Variants in ERBB4 observed in about 807,000 individuals in gnomAD.
ERBB4 encodes the protein receptor tyrosine-protein kinase erbB-4.
In ERBB4, 42 loss-of-function variants were observed where a neutral mutation model predicts 158.0. The ratio of observed to expected loss-of-function variants is 0.27; its 90% CI spans 0.21 to 0.34. The LOEUF is 0.34. ERBB4 is among the 10% of genes least tolerant of loss of function. The pLI is 1.00. For synonymous variants in ERBB4, 583 were observed against 558.7 expected (o/e 1.04, Z -0.61); for missense variants, 1,333 against 1,624.1 (o/e 0.82, Z 3.08).
intron 1 of ERBB4, among the ~76,000 whole-genome samples, chr2:212,265,935 A>G (rs1259953974): frequency 6.6e-6 from 1 of 152,044 alleles, no homozygotes; most frequent in African/African-American, 2.4e-5. Context: ...GAAGTGGCAT[A>G]TAGTATATAG....
chr2:212,183,292 A>C (rs2081927362), intron 1 of ERBB4, among the ~76,000 whole-genome samples: 1 of 152,012 alleles, frequency 6.6e-6, no homozygotes, highest in South Asian at 2.1e-4. Flanking sequence ...ATAAAACTTT[A>C]AACTTCTATG....
chr2:211,733,363 G>A (rs1325414399), intron 5 of ERBB4, among the ~76,000 whole-genome samples: 1 of 152,074 alleles, frequency 6.6e-6, no homozygotes, highest in Admixed American at 6.6e-5. Context: ...TCTTGAGAGT[G>A]AGTAAGAGTT....
chr2:211,393,641 A>T (rs1057332616), intron 25 of ERBB4, among the ~76,000 whole-genome samples: 1 of 152,092 alleles, frequency 6.6e-6, no homozygotes, highest in Admixed American at 6.6e-5. Flanking sequence ...AATGCTGATA[A>T]TGTGTTACAT....
At chr2:211,585,726 G>T (rs2068255292) in intron 19 of ERBB4, among the ~76,000 whole-genome samples, 1 of 151,940 alleles carries the variant, frequency 6.6e-6, no homozygotes, top group Non-Finnish European at 1.5e-5. Flanking sequence ...ATTTTCTTAA[G>T]GTATAATACA....
intron 2 of ERBB4, among the ~76,000 whole-genome samples, chr2:212,038,921 TGTGA>T (rs1427812710): frequency 6.6e-6 from 1 of 152,098 alleles, no homozygotes; most frequent in Non-Finnish European, 1.5e-5. Flanking sequence ...AATGTGTGTT[TGTGA>T]GTGTTTATTG....
chr2:212,354,189 A>G (rs916881618), intron 1 of ERBB4, among the ~76,000 whole-genome samples: 3 of 152,096 alleles, frequency 2.0e-5, no homozygotes, highest in Non-Finnish European at 4.4e-5. Flanking sequence ...AAAATTATAC[A>G]TAATTATTGT....
At chr2:211,666,429 A>G (rs970283751) in intron 14 of ERBB4, among the ~76,000 whole-genome samples, 1 of 152,202 alleles carries the variant, frequency 6.6e-6, no homozygotes, top group East Asian at 1.9e-4. Flanking sequence ...TGGAATGTTA[A>G]TAAGTGATAA....
rs1374354313 is a variant in ERBB4, at chr2:211,683,804, T to C, written c.1490-4620A>G. 5.3e-5 allele frequency among the ~76,000 whole-genome samples: 8 copies of C among 151,944 alleles called. No homozygotes were observed. The East Asian group carries it at 1.5e-3, about 29-fold the overall frequency. On this transcript the variant is annotated intron_variant, in intron 12 of 27. Coordinates refer to ENST00000342788, the MANE Select transcript of ERBB4 (RefSeq NM_005235.3). Reference sequence around the variant, plus strand: ...AGAGTGATTGTACCATTTTACACTCTCACCAACCATGTATTCATTATTACA... The same window carrying C: ...AGAGTGATTGTACCATTTTACACTCCCACCAACCATGTATTCATTATTACA...
intron 20 of ERBB4, among the ~76,000 whole-genome samples, chr2:211,506,497 C>T (rs1184364787): frequency 4.6e-5 from 7 of 151,966 alleles, no homozygotes; most frequent in Non-Finnish European, 8.8e-5. Context: ...TTCTTTAAAA[C>T]TGATCATATG....
intron 25 of ERBB4, among the ~76,000 whole-genome samples, chr2:211,399,917 T>C (rs4673613): frequency 0.31 from 47,848 of 151,964 alleles, 7,684 homozygotes; most frequent in South Asian, 0.53. Context: ...GTGGTACATA[T>C]CACCTAACTG....
In ERBB4 at chr2:211,383,716, G is replaced by T. The variant is rs771261124; in HGVS notation, c.3826C>A (p.Pro1276Thr). The T allele has an allele frequency of 1.9e-6, 3 of 1,614,036 alleles. No homozygotes were observed. Among genetic ancestry groups the T allele is most frequent in the Non-Finnish European group, 1.7e-6 (2 of 1,179,966 alleles). ...TATTCAGGATTCTCTGCCACAATAG[G>T]CCGGATCCGCCCATTCTGTTTATAA... ...YFYKQNGRIR[P>T]IVAENPEYLS... Residue 1276 changes from proline (P) to threonine (T), a missense_variant, in exon 28 of 28, where the codon CCT becomes ACT. Pro to Thr is a conservative substitution (Grantham distance 38). This residue lies in a region of ERBB4 where 84 missense variants were observed against 110.8 expected (regional missense o/e 0.76). Coordinates refer to ENST00000342788, the MANE Select transcript of ERBB4 (RefSeq NM_005235.3).
chr2:211,781,163 G>A (rs1479842591), intron 4 of ERBB4, among the ~76,000 whole-genome samples: 1 of 152,090 alleles, frequency 6.6e-6, no homozygotes, highest in African/African-American at 2.4e-5. Context: ...TAATAGATGA[G>A]GTTTAATTGT....
At chr2:211,542,632 G>A (rs1032621083) in intron 20 of ERBB4, among the ~76,000 whole-genome samples, 3 of 152,010 alleles carry the variant, frequency 2.0e-5, no homozygotes, top group Admixed American at 1.3e-4. Context: ...TTAGAGAATT[G>A]AGAATATTAT....
chr2:211,839,505 T>C (rs1322418869), intron 3 of ERBB4, among the ~76,000 whole-genome samples: 1 of 152,140 alleles, frequency 6.6e-6, no homozygotes, highest in Non-Finnish European at 1.5e-5. Context: ...CTAGGTTTTT[T>C]TCTCAGGTGC....
intron 3 of ERBB4, among the ~76,000 whole-genome samples, chr2:211,839,145 G>GA (rs978476997): frequency 1.7e-5 from 2 of 117,880 alleles, no homozygotes; most frequent in Non-Finnish European, 3.5e-5. Context: ...GAGAGAGGGA[G>GA]AGAGAGAAGG....
chr2:212,389,805 T>G (rs963444034), intron 1 of ERBB4, among the ~76,000 whole-genome samples: 4 of 151,956 alleles, frequency 2.6e-5, no homozygotes. Context: ...GAGCTTCATG[T>G]GATTGCTAAC....
intron 1 of ERBB4, among the ~76,000 whole-genome samples, chr2:212,179,794 T>C (rs544058868): frequency 6.6e-6 from 1 of 151,748 alleles, no homozygotes; most frequent in South Asian, 2.1e-4. Context: ...CACTTTATGA[T>C]GAAATATTTC....
chr2:212,438,188 C>T (rs2092178512), intron 1 of ERBB4, among the ~76,000 whole-genome samples: 1 of 151,690 alleles, frequency 6.6e-6, no homozygotes, highest in Non-Finnish European at 1.5e-5. Context: ...TGTGATATAA[C>T]ATTCTATAAT....
At chr2:211,630,663 A>T (rs2125873791) in intron 16 of ERBB4, 69 bp from the exon 17 acceptor site, 2 of 1,369,234 alleles carry the variant, frequency 1.5e-6, no homozygotes, top group Admixed American at 3.6e-5. Context: ...AAGAGAAAAG[A>T]GCAGTTGTAC....
Sources: gnomAD v4.1 joint callset for allele counts (sites outside exome capture counted in the v4.1 genomes callset) on GRCh38, gnomAD v4.1.1 for gene constraint, gnomAD v4.1.1 regional missense constraint, MANE v1.5 for transcripts, NCBI Gene and HGNC (gene_info 2026-07-23, HGNC 2026-07-21) for gene names.